The following ROBO2 variants were observed in gnomAD, a reference collection of about 807,000 sequenced individuals.
ROBO2 encodes the protein roundabout homolog 2.
Under a neutral mutation model 160.8 loss-of-function variants are expected in ROBO2, and 53 were observed. The observed-to-expected ratio is 0.33, with a 90% CI of 0.26 to 0.41. The LOEUF (loss-of-function observed/expected upper bound fraction) is 0.41, where lower values mean the gene tolerates loss of function less well. Ranked by LOEUF, ROBO2 falls within the 10% of genes least tolerant of loss-of-function variation. ROBO2 has a pLI of 1.00. For synonymous variants in ROBO2, 664 were observed against 611.7 expected, an observed-to-expected ratio of 1.09 and a Z score of -1.26; for missense variants, 1,577 against 1,722.4, an observed-to-expected ratio of 0.92 and a Z score of 1.49.
intron 2 of ROBO2, among the ~76,000 whole-genome samples, chr3:76,452,164 C>T (rs1448124219): frequency 1.3e-5 from 2 of 151,820 alleles, no homozygotes; most frequent in African/African-American, 2.4e-5. Context: ...CTTTTCTCTT[C>T]CAACTTATTT....
intron 2 of ROBO2, among the ~76,000 whole-genome samples, chr3:77,418,378 G>A (rs62249797): frequency 0.078 from 11,784 of 151,896 alleles, 538 homozygotes; most frequent in African/African-American, 0.1. Context: ...TTTTTATTGC[G>A]GTTATAAATG....
intron 2 of ROBO2, among the ~76,000 whole-genome samples, chr3:77,177,838 A>G (rs2080305355): frequency 6.6e-6 from 1 of 152,070 alleles, no homozygotes; most frequent in Admixed American, 6.6e-5. Context: ...GTTTTCCAAT[A>G]AGTCAACACA....
intron 6 of ROBO2, among the ~76,000 whole-genome samples, chr3:77,538,149 A>G (rs938138496): frequency 6.7e-6 from 1 of 148,540 alleles, no homozygotes; most frequent in African/African-American, 2.5e-5. Context: ...AAGGTAGGTA[A>G]TTTAGCAATT....
chr3:76,381,899 G>A (rs755849309), intron 2 of ROBO2, among the ~76,000 whole-genome samples: 1 of 152,122 alleles, frequency 6.6e-6, no homozygotes, highest in South Asian at 2.1e-4. Context: ...CCACTGTCAA[G>A]CACAATGCTA....
upstream of ROBO2, among the ~76,000 whole-genome samples, chr3:77,037,003 T>C (rs558005809): frequency 6.6e-6 from 1 of 151,830 alleles, no homozygotes; most frequent in Non-Finnish European, 1.5e-5. Context: ...TCACTAAAAC[T>C]GTCTTAAGTG....
chr3:77,101,702 T>G (rs973859306), intron 2 of ROBO2, among the ~76,000 whole-genome samples: 9 of 152,050 alleles, frequency 5.9e-5, no homozygotes, highest in African/African-American at 1.9e-4. Context: ...TGATAGAATA[T>G]GGGCAGTGAA....
chr3:76,112,532 G>A (rs2070280310), intron 2 of ROBO2, among the ~76,000 whole-genome samples: 1 of 151,918 alleles, frequency 6.6e-6, no homozygotes. Flanking sequence ...TTTTCTGTCT[G>A]TAGGTAATAT....
intron 2 of ROBO2, among the ~76,000 whole-genome samples, chr3:77,346,308 G>A (rs1027776374): frequency 2.0e-5 from 3 of 152,138 alleles, no homozygotes; most frequent in African/African-American, 7.2e-5. Context: ...CTTCATTAGT[G>A]TAGTGATTAT....
chr3:77,289,362 G>A (rs1319643291), intron 2 of ROBO2, among the ~76,000 whole-genome samples: 1 of 151,910 alleles, frequency 6.6e-6, no homozygotes, highest in Non-Finnish European at 1.5e-5. Flanking sequence ...AAACGGGTAA[G>A]CTGAGACTAG....
chr3:77,513,593 A>G (rs900809285), intron 5 of ROBO2, among the ~76,000 whole-genome samples: 2 of 151,876 alleles, frequency 1.3e-5, no homozygotes, highest in Admixed American at 1.3e-4. Context: ...ATCACACACA[A>G]ACAGAATGTT....
At position 76,622,249 on chromosome 3, in the gene ROBO2, A is replaced by AGAAAGAAG. The variant is rs2089220719; in HGVS notation, c.110-475758_110-475757insGGAAAGAA. On this transcript the variant is annotated intron_variant, in intron 2 of 26. Coordinates refer to the ROBO2 transcript ENST00000487694. ...AAGGAAGGAAGGAAGAAAGAAAGAA[A>AGAAAGAAG]GAAAGAAAGAAAGAAAGAAAGAAAG... Among the ~76,000 whole-genome samples the AGAAAGAAG allele has an allele frequency of 6.5e-4, 34 of 52,670 alleles. 3 individuals carry two copies. The highest frequency in any genetic ancestry group is 1.1e-3 in the Non-Finnish European group (30 of 26,370). 34.6% of individuals were successfully genotyped at this position (52,670 alleles called of 152,430 possible). A position where few individuals can be genotyped will look rare whatever the true frequency, so the allele number is the denominator to read the frequency against.
chr3:76,380,029 AC>A (rs1171339575), intron 2 of ROBO2, among the ~76,000 whole-genome samples: 14 of 151,752 alleles, frequency 9.2e-5, no homozygotes, highest in African/African-American at 3.4e-4. Flanking sequence ...TTATGTTATA[AC>A]CAGTATCACT....
chr3:76,256,777 A>T (rs909603643), intron 2 of ROBO2, among the ~76,000 whole-genome samples: 1 of 151,942 alleles, frequency 6.6e-6, no homozygotes, highest in African/African-American at 2.4e-5. Flanking sequence ...AGAAAAAGAG[A>T]TTTAATTGGC....
intron 2 of ROBO2, among the ~76,000 whole-genome samples, chr3:76,700,210 A>G (rs1363633200): frequency 6.6e-6 from 1 of 151,954 alleles, no homozygotes; most frequent in Non-Finnish European, 1.5e-5. Flanking sequence ...CCATTAAGCA[A>G]TTGTCCACTT....
chr3:77,476,666 T>C (rs1213150027), intron 2 of ROBO2, among the ~76,000 whole-genome samples: 1 of 152,104 alleles, frequency 6.6e-6, no homozygotes, highest in Admixed American at 6.5e-5. Flanking sequence ...AGTAGATAGA[T>C]AGGTGACATT....
chr3:76,695,228 G>A (rs892597883), intron 2 of ROBO2, among the ~76,000 whole-genome samples: 1 of 152,156 alleles, frequency 6.6e-6, no homozygotes, highest in Non-Finnish European at 1.5e-5. Flanking sequence ...TGAACCTCTG[G>A]AATAATGTTA....
intron 2 of ROBO2, among the ~76,000 whole-genome samples, chr3:76,461,799 A>G (rs1167083447): frequency 6.6e-6 from 1 of 152,178 alleles, no homozygotes; most frequent in African/African-American, 2.4e-5. Flanking sequence ...TCCTAAGCCC[A>G]TCCTTTTTAA....
intron 2 of ROBO2, among the ~76,000 whole-genome samples, chr3:76,261,534 C>T (rs1706763874): frequency 1.3e-5 from 2 of 151,602 alleles, no homozygotes; most frequent in African/African-American, 4.8e-5. Context: ...TAACCAACAC[C>T]CCATCTCCAA....
intron 2 of ROBO2, among the ~76,000 whole-genome samples, chr3:76,330,546 T>C (rs1270456610): frequency 1.3e-5 from 2 of 152,200 alleles, no homozygotes; most frequent in Non-Finnish European, 2.9e-5. Flanking sequence ...AAACATGTTT[T>C]ATATGGACAT....
Sources: gnomAD v4.1 joint callset for allele counts (sites outside exome capture counted in the v4.1 genomes callset) on GRCh38, gnomAD v4.1.1 for gene constraint, MANE v1.5 for transcripts, NCBI Gene and HGNC (gene_info 2026-07-23, HGNC 2026-07-21) for gene names.